The following PCDHA11 variants were observed in gnomAD, a reference collection of about 807,000 sequenced individuals.
PCDHA11 encodes protocadherin alpha 11, also known as protocadherin alpha-11.
A neutral mutation model predicts 70.3 loss-of-function variants in PCDHA11; 61 were observed. The observed-to-expected ratio is 0.87, with a 90% CI of 0.71 to 1.07. PCDHA11 has a LOEUF of 1.07. PCDHA11 is among the 50% of genes least tolerant of loss of function. The probability of loss-of-function intolerance (pLI) is 0.00; values close to 1 mark genes in which losing one functional copy is unlikely to be tolerated. For missense variants in PCDHA11, 1,324 were observed against 1,237.5 expected (o/e 1.07, Z -1.05); for synonymous variants, 633 against 555.1 (o/e 1.14, Z -1.97).
At chr5:140,914,654 T>C (rs2076794688) in intron 1 of PCDHA11, among the ~76,000 whole-genome samples, 1 of 152,202 alleles carries the variant, frequency 6.6e-6, no homozygotes, top group Non-Finnish European at 1.5e-5. Flanking sequence ...CTCTCCCTTC[T>C]TTCCATCTTC....
In PCDHA11 at chr5:141,010,126, C is replaced by A; in HGVS notation, c.*189C>A. The A allele has an allele frequency of 6.2e-7, 1 of 1,602,364 alleles. No homozygotes were observed. The highest frequency in any genetic ancestry group is 1.1e-5 in the South Asian group (1 of 89,898). ...TTTTGTCGTAAAAGCTTTACTAAGT[C>A]TGGTGTTAACTCTTTCTCTCCACTC... On this transcript the variant is annotated 3_prime_UTR_variant, in exon 4 of 4. Coordinates refer to ENST00000398640, the MANE Select transcript of PCDHA11 (RefSeq NM_018902.5).
intron 1 of PCDHA11, among the ~76,000 whole-genome samples, chr5:140,961,680 C>T (rs989401730): frequency 3.3e-5 from 5 of 152,040 alleles, no homozygotes; most frequent in African/African-American, 4.8e-5. Flanking sequence ...TTAATTAAGC[C>T]GGAGTAGTCC....
At chr5:140,990,471 A>G (rs892013539) in intron 3 of PCDHA11, among the ~76,000 whole-genome samples, 4 of 152,204 alleles carry the variant, frequency 2.6e-5, no homozygotes, top group Admixed American at 1.3e-4. Context: ...GGTATCATGT[A>G]TCAAGCTGAA....
chr5:140,878,468 A>G (rs2057603759), intron 1 of PCDHA11, among the ~76,000 whole-genome samples: 1 of 152,188 alleles, frequency 6.6e-6, no homozygotes, highest in Non-Finnish European at 1.5e-5. Flanking sequence ...TAATAAAATC[A>G]TTTCTCAATT....
intron 1 of PCDHA11, among the ~76,000 whole-genome samples, chr5:140,961,312 A>G (rs2095603612): frequency 6.6e-6 from 1 of 152,156 alleles, no homozygotes; most frequent in Non-Finnish European, 1.5e-5. Context: ...ATGATTTACC[A>G]GGCTCTGTTT....
chr5:140,893,656 TA>T (rs1241356048), intron 1 of PCDHA11, among the ~76,000 whole-genome samples: 28 of 152,340 alleles, frequency 1.8e-4, no homozygotes, highest in Admixed American at 1.6e-3. Flanking sequence ...CTGATAGTTT[TA>T]AAAAATTTCA....
At chr5:140,922,181 A>G (rs2080696715) in intron 1 of PCDHA11, among the ~76,000 whole-genome samples, 1 of 152,324 alleles carries the variant, frequency 6.6e-6, no homozygotes, top group South Asian at 2.1e-4. Context: ...GCAGACAAAA[A>G]AAAAGTCTTA....
At position 140,869,261 on chromosome 5, in the gene PCDHA11, G is replaced by A. The variant is rs782291113; in HGVS notation, c.158G>A (p.Gly53Glu). 3 of 1,613,572 alleles carry A rather than the reference G, an allele frequency of 1.9e-6. No individual in the cohort carries two copies. In the Admixed American group the frequency reaches 5.0e-5, roughly 27 times the overall value. The change falls in exon 1 of 4, where the codon GGG becomes GAG. Residue 53 changes from glycine (G) to glutamate (E), a missense_variant. By Grantham distance (98) the Gly-to-Glu change is moderately conservative. Transcript: ENST00000398640. ...TFVGRIAQDLGLELAELVQRL... is the reference protein window; with the variant it reads ...TFVGRIAQDLELELAELVQRL... ...GTGGGCCGCATCGCGCAGGACCTGG[G>A]GCTGGAGCTGGCGGAGCTGGTGCAG...
Position 140,875,145 on chromosome 5 carries a change from T to A in PCDHA11, c.2391+3651T>A, listed in dbSNP as rs191347942. On this transcript the variant is annotated intron_variant, in intron 1 of 3. Coordinates refer to ENST00000398640, the MANE Select transcript of PCDHA11 (RefSeq NM_018902.5). ...TAACTAAACCCGCATTTATAAATGA[T>A]CCGTGAAAAATAACCCAAAGTCGAA... Among the ~76,000 whole-genome samples the A allele has an allele frequency of 3.1e-3, 468 of 152,306 alleles. 3 individuals are homozygous for A. The highest frequency in any genetic ancestry group is 0.014 in the Middle Eastern group (4 of 294).
chr5:140,902,822 C>T (rs1239042138), intron 1 of PCDHA11, among the ~76,000 whole-genome samples: 4 of 151,576 alleles, frequency 2.6e-5, no homozygotes, highest in Admixed American at 2.0e-4. Context: ...ATTTGGTTTT[C>T]GATTTCTGAG....
rs1299292999 is a variant in PCDHA11, at chr5:140,940,635, T to G, written c.2392-38314T>G. Among the ~76,000 whole-genome samples the G allele has an allele frequency of 5.3e-5, 8 of 152,214 alleles. 1 individual carries two copies. The highest frequency in any genetic ancestry group is 5.2e-4 in the Admixed American group (8 of 15,286). On this transcript the variant is annotated intron_variant, in intron 1 of 3. Coordinates refer to ENST00000398640, the MANE Select transcript of PCDHA11 (RefSeq NM_018902.5). ...GCTCCTGCAAATATTCTTAAGCTTG[T>G]CATTTATTTATTTAAATATATTAAA...
chr5:140,946,613 T>A (rs1300820927), intron 1 of PCDHA11, among the ~76,000 whole-genome samples: 1 of 116,702 alleles, frequency 8.6e-6, no homozygotes, highest in South Asian at 2.6e-4. Context: ...AAATGTGAAA[T>A]ATATATATAT....
chr5:140,898,349 C>A (rs1310511547), intron 1 of PCDHA11, among the ~76,000 whole-genome samples: 1 of 152,168 alleles, frequency 6.6e-6, no homozygotes, highest in African/African-American at 2.4e-5. Flanking sequence ...TTTAATCCAT[C>A]TTGAATTAAT....
chr5:140,872,802 A>T (rs533671542), intron 1 of PCDHA11, among the ~76,000 whole-genome samples: 128 of 152,330 alleles, frequency 8.4e-4, no homozygotes, highest in Admixed American at 2.4e-3. Flanking sequence ...GCATTCTTCC[A>T]TAAGTTTTTC....
At chr5:141,000,939 A>G (rs551872377) in intron 3 of PCDHA11, among the ~76,000 whole-genome samples, 2 of 152,294 alleles carry the variant, frequency 1.3e-5, no homozygotes, top group East Asian at 3.9e-4. Context: ...ATTTAGGACA[A>G]ATTATCTTGC....
chr5:140,888,597 C>A (rs1474772423), intron 1 of PCDHA11, among the ~76,000 whole-genome samples: 3 of 152,216 alleles, frequency 2.0e-5, no homozygotes, highest in African/African-American at 7.2e-5. Flanking sequence ...ACATTCAGAG[C>A]AGCTTTTAGT....
chr5:140,903,349 A>T (rs1191077377), intron 1 of PCDHA11, among the ~76,000 whole-genome samples: 1 of 152,240 alleles, frequency 6.6e-6, no homozygotes, highest in Non-Finnish European at 1.5e-5. Flanking sequence ...ATTTTAAAAA[A>T]CAAGTTTTTC....
rs560247030 is a variant in PCDHA11, at chr5:140,910,414, C to T, written c.2391+38920C>T. On this transcript the variant is annotated intron_variant, in intron 1 of 3. Transcript: ENST00000398640. ...GACTGGCCCCTGCCACCTCGAGATC[C>T]AATTATTCCCATTGCATTTAAGTTT... Among the ~76,000 whole-genome samples the T allele has an allele frequency of 2.6e-5, 4 of 152,258 alleles. No individual in the cohort carries two copies. In the East Asian group the frequency reaches 5.8e-4, roughly 22 times the overall value.
chr5:140,933,064 A>G (rs2088836698), intron 1 of PCDHA11, among the ~76,000 whole-genome samples: 1 of 152,030 alleles, frequency 6.6e-6, no homozygotes, highest in African/African-American at 2.4e-5. Context: ...GATCCTGACT[A>G]AAGTATTATG....
Sources: allele counts gnomAD v4.1 joint callset (sites outside exome capture counted in the v4.1 genomes callset), GRCh38; gene constraint gnomAD v4.1.1; transcripts MANE v1.5; gene names NCBI Gene and HGNC (gene_info 2026-07-23, HGNC 2026-07-21).